Variants in FGD5 observed in about 807,000 individuals in gnomAD.
The protein encoded by FGD5 is FYVE, RhoGEF and PH domain-containing protein 5.
Under a neutral mutation model 133.4 loss-of-function variants are expected in FGD5, and 28 were observed. The observed-to-expected ratio is 0.21, with a 90% CI of 0.16 to 0.29. The LOEUF (loss-of-function observed/expected upper bound fraction) is 0.29. Among genes scored for constraint, FGD5 ranks in the 10% least tolerant of loss-of-function variants. The probability of loss-of-function intolerance (pLI) is 1.00; values close to 1 mark genes in which losing one functional copy is unlikely to be tolerated. For missense variants in FGD5, 1,858 were observed against 1,895.2 expected (o/e 0.98, Z 0.36); for synonymous variants, 810 against 776.5 (o/e 1.04, Z -0.72).
At chr3:14,829,818 C>T (rs559142259) in intron 1 of FGD5, among the ~76,000 whole-genome samples, 5 of 152,266 alleles carry the variant, frequency 3.3e-5, no homozygotes, top group African/African-American at 1.2e-4. Context: ...CTTCCTCCTC[C>T]CCACCTGTCA....
At chr3:14,916,469 G>A (rs2038555480) in intron 11 of FGD5, among the ~76,000 whole-genome samples, 1 of 152,290 alleles carries the variant, frequency 6.6e-6, no homozygotes, top group South Asian at 2.1e-4. Flanking sequence ...ACTCTGTGAA[G>A]GGACCTGGAA....
chr3:14,904,270 A>G (rs778657699), intron 9 of FGD5, among the ~76,000 whole-genome samples: 1 of 152,196 alleles, frequency 6.6e-6, no homozygotes, highest in East Asian at 1.9e-4. Flanking sequence ...TGAGGGCACC[A>G]TATCTACCTA....
rs748311343 is a variant in FGD5 at position 14,928,660 on chromosome 3, G to A, written c.4197+2462G>A. ...CTTAGGAGGCCGAGGCAGGAGAATC[G>A]TTTGAACCCGGGAGGTAGAGGTTAC... On this transcript the variant is annotated intron_variant, in intron 18 of 19. Coordinates refer to ENST00000285046, the MANE Select transcript of FGD5 (RefSeq NM_152536.4). Among the ~76,000 whole-genome samples the A allele has an allele frequency of 4.6e-5, 7 of 152,234 alleles. No homozygotes were observed. The East Asian group carries it at 7.7e-4, about 17-fold the overall frequency.
chr3:14,810,814 C>G (rs2036280476), upstream of FGD5: 1 of 984,592 alleles, frequency 1.0e-6, no homozygotes. Context: ...CGCGGACGGA[C>G]TGAAACGCCG....
upstream of FGD5, among the ~76,000 whole-genome samples, chr3:14,815,756 A>G (rs570037083): frequency 3.9e-5 from 6 of 152,236 alleles, no homozygotes; most frequent in Admixed American, 2.6e-4. Flanking sequence ...GGGACCTCTG[A>G]GTCTCCATCA....
At chr3:14,925,500 G>A (rs2038783871) in intron 17 of FGD5, among the ~76,000 whole-genome samples, 1 of 152,186 alleles carries the variant, frequency 6.6e-6, no homozygotes, top group Admixed American at 6.5e-5. Flanking sequence ...GTAATTGGTA[G>A]AGCCTGAATG....
intron 16 of FGD5, 168 bp from the exon 17 acceptor site, chr3:14,923,840 C>T (rs896462195): frequency 3.5e-6 from 3 of 868,358 alleles, no homozygotes; most frequent in African/African-American, 1.7e-5. Context: ...GCCCCCATAG[C>T]CTTTGTCTGT....
intron 4 of FGD5, among the ~76,000 whole-genome samples, chr3:14,894,638 C>T (rs1389784881): frequency 6.8e-6 from 1 of 147,984 alleles, no homozygotes; most frequent in Non-Finnish European, 1.5e-5. Flanking sequence ...GCCTCAGCTT[C>T]TTGAGTAGCT....
Position 14,933,219 on chromosome 3 carries a change from G to C in FGD5, c.*52G>C. 6.3e-7 allele frequency: 1 copy of C among 1,586,192 alleles called. No individual in the cohort carries two copies. The highest frequency in any genetic ancestry group is 1.1e-5 in the South Asian group (1 of 87,786). On this transcript the variant is annotated 3_prime_UTR_variant, in exon 20 of 20. Coordinates refer to ENST00000285046, the MANE Select transcript of FGD5 (RefSeq NM_152536.4). ...CAAATTCTTAGGTCAATATGTGAATGCTTTTAGAAGCTAAGCTGTGGCTCA... is the reference window on the plus strand; with the variant it reads ...CAAATTCTTAGGTCAATATGTGAATCCTTTTAGAAGCTAAGCTGTGGCTCA...
intron 4 of FGD5, among the ~76,000 whole-genome samples, chr3:14,885,007 C>G (rs546246589): frequency 7.9e-5 from 12 of 151,846 alleles, no homozygotes; most frequent in Non-Finnish European, 1.3e-4. Flanking sequence ...CCTTCTTCCA[C>G]CTCCCTCCTC....
chr3:14,919,818 GTC>G (rs370251533), intron 13 of FGD5, among the ~76,000 whole-genome samples: 2 of 152,204 alleles, frequency 1.3e-5, no homozygotes, highest in African/African-American at 4.8e-5. Context: ...AGGAGCAAGG[GTC>G]TCTCTGGGGC....
At chr3:14,896,846 T>C (rs2038148569) in intron 4 of FGD5, 1 of 152,130 alleles carries the variant, frequency 6.6e-6, no homozygotes, top group Non-Finnish European at 1.5e-5. Context: ...TTTTAGAAAA[T>C]AGAAACAAGA....
At chr3:14,907,286 C>G (rs1304436340) in intron 9 of FGD5, among the ~76,000 whole-genome samples, 1 of 152,224 alleles carries the variant, frequency 6.6e-6, no homozygotes, top group Non-Finnish European at 1.5e-5. Context: ...TCATGGGCTA[C>G]AAGCCAGGAG....
chr3:14,932,840 G>T (rs758879507), intron 19 of FGD5, 109 bp downstream of exon 19: 27 of 1,308,350 alleles, frequency 2.1e-5, no homozygotes, highest in Non-Finnish European at 2.7e-5. Context: ...ATCCCATTAG[G>T]TCCCTTTGGG....
At chr3:14,871,730 T>C (rs1183565665) in intron 2 of FGD5, among the ~76,000 whole-genome samples, 1 of 152,188 alleles carries the variant, frequency 6.6e-6, no homozygotes, top group Non-Finnish European at 1.5e-5. Context: ...GCCAAAGGGC[T>C]GGGCAGGTTA....
chr3:14,815,140 T>G (rs1357857779), upstream of FGD5, among the ~76,000 whole-genome samples: 1 of 152,170 alleles, frequency 6.6e-6, no homozygotes, highest in Non-Finnish European at 1.5e-5. Context: ...CCCACATCAC[T>G]CTGAGTCAAA....
At chr3:14,923,389 T>G in intron 16 of FGD5, 1 of 632,792 alleles carries the variant, frequency 1.6e-6, no homozygotes. Context: ...AAGAGCTCTG[T>G]GGGTAGCTAA....
At chr3:14,883,114 T>C (rs9837711) in intron 4 of FGD5, among the ~76,000 whole-genome samples, 3,997 of 152,228 alleles carry the variant, frequency 0.026, 180 homozygotes, top group African/African-American at 0.088. Context: ...CACATGGTAG[T>C]TATAGCTAAC....
Position 14,821,537 on chromosome 3 carries a change from C to T in FGD5, c.2466C>T (p.Asp822=). The T allele has an allele frequency of 1.2e-6, 2 of 1,613,578 alleles. No homozygotes were observed. The highest frequency in any genetic ancestry group is 1.7e-6 in the Non-Finnish European group (2 of 1,179,652). ...CAAACGAAAATGATGGCTACGTGGA[C>T]ATGAGCAGCTTCAACGCCTTTGAGA... ...STANENDGYV[D]MSSFNAFESK... The change falls in exon 1 of 20, where the codon GAC becomes GAT. Residue 822 remains aspartate, a synonymous_variant. Transcript: ENST00000285046.
Sources: gnomAD v4.1 joint callset for allele counts (sites outside exome capture counted in the v4.1 genomes callset) on GRCh38, gnomAD v4.1.1 for gene constraint, MANE v1.5 for transcripts, NCBI Gene and HGNC (gene_info 2026-07-23, HGNC 2026-07-21) for gene names.